MACF1: variants seen among roughly 807,000 people sequenced by gnomAD.
MACF1 encodes microtubule actin crosslinking factor 1, also known as microtubule-actin cross-linking factor 1.
Under a neutral mutation model 854.8 loss-of-function variants are expected in MACF1, and 193 were observed. The ratio of observed to expected loss-of-function variants is 0.23; its 90% CI spans 0.20 to 0.25. The LOEUF is 0.25. MACF1 is among the 10% of genes least tolerant of loss of function. The pLI, the probability that MACF1 is intolerant of heterozygous loss-of-function variation, is 1.00. For synonymous variants in MACF1, 3,185 were observed against 3,226.7 expected (o/e 0.99, Z 0.44); for missense variants, 7,722 against 8,929.1 (o/e 0.86, Z 5.45).
intron 99 of MACF1, among the ~76,000 whole-genome samples, chr1:39,482,117 TA>T (rs769165437): frequency 1.1e-4 from 16 of 152,332 alleles, no homozygotes; most frequent in Non-Finnish European, 1.6e-4. Flanking sequence ...TGTTCTGTCT[TA>T]AGGTTTTATT....
At position 39,434,623 on chromosome 1, in the gene MACF1, G is replaced by C. The variant is rs1395682959; in HGVS notation, c.17775G>C (p.Glu5925Asp). Residue 5925 changes from glutamate (E) to aspartate (D), a missense_variant, in exon 69 of 101, where the codon GAG becomes GAC. Around this residue, in one of 15 missense-constraint regions of MACF1, gnomAD observed 2,807 missense variants for 3,235.8 expected, o/e 0.87. Transcript: ENST00000564288. ...IDHEQLRQQQ[E>D]EMRQLRESIA... The stretch of plus-strand genomic sequence containing the variant: ...ATGAGCAGCTCAGGCAGCAACAAGA[G>C]GAAATGAGGGTAAGGAGCATGCCAA... The C allele has an allele frequency of 6.2e-7, 1 of 1,613,712 alleles. No individual in the cohort carries two copies. The highest frequency in any genetic ancestry group is 8.5e-7 in the Non-Finnish European group (1 of 1,179,850).
intron 2 of MACF1, among the ~76,000 whole-genome samples, chr1:39,097,121 C>T (rs1282364049): frequency 6.6e-6 from 1 of 151,978 alleles, no homozygotes; most frequent in Non-Finnish European, 1.5e-5. Context: ...AGGTGATCCA[C>T]CCGCCTCAGC....
At chr1:39,369,299 G>A (rs555142290) in intron 50 of MACF1, among the ~76,000 whole-genome samples, 297 of 152,280 alleles carry the variant, frequency 2.0e-3, no homozygotes, top group Admixed American at 2.9e-3. Flanking sequence ...TTAAGAGCAT[G>A]AACAAGACTT....
chr1:39,356,970 A>T (rs1057295058), intron 44 of MACF1, among the ~76,000 whole-genome samples: 1 of 152,212 alleles, frequency 6.6e-6, no homozygotes, highest in Non-Finnish European at 1.5e-5. Flanking sequence ...GTGTCAGTTC[A>T]GAGGGGATTA....
At chr1:39,357,960 G>A in intron 45 of MACF1, 67 bp downstream of exon 45, 1 of 1,484,406 alleles carries the variant, frequency 6.7e-7, no homozygotes, top group Non-Finnish European at 9.0e-7. Flanking sequence ...TGTAGGTAGT[G>A]TCTGGGGCTC....
chr1:39,231,098 A>G (rs1447863922), intron 1 of MACF1, 84 bp from the exon 2 acceptor site: 1 of 1,003,810 alleles, frequency 1.0e-6, no homozygotes, highest in Non-Finnish European at 1.6e-6. Context: ...TTCTAGAGAA[A>G]CAGAGATGTG....
At chr1:39,357,085 A>G (rs1164939075) in intron 44 of MACF1, among the ~76,000 whole-genome samples, 1 of 152,208 alleles carries the variant, frequency 6.6e-6, no homozygotes, top group Non-Finnish European at 1.5e-5. Flanking sequence ...CTTCTAGCTT[A>G]TAGGTAGATG....
rs1644538808 is a variant in MACF1 at position 39,460,882 on chromosome 1, C to T, written c.21523+88C>T. On this transcript the variant is annotated intron_variant, in intron 92 of 100. Coordinates refer to ENST00000564288, the MANE Select transcript of MACF1 (RefSeq NM_001394062.1). This position sits in a 1 kb window ranked among gnomAD's most constrained non-coding sequence, Gnocchi z 4.1. ...GTGATATTCTAGCTAAACAGTCTTTCTGAAGCTGGCCAGGAGCTTGGCTCA... is the reference window on the plus strand; with the variant it reads ...GTGATATTCTAGCTAAACAGTCTTTTTGAAGCTGGCCAGGAGCTTGGCTCA... 1 of 1,481,924 alleles carries T rather than the reference C, an allele frequency of 6.7e-7. No homozygotes were observed. The highest frequency in any genetic ancestry group is 1.4e-5 in the African/African-American group (1 of 72,046). The allele number at this position is 1,481,924 out of a possible 1,614,324, so 91.8% of individuals were successfully genotyped here. A position where few individuals can be genotyped will look rare whatever the true frequency, so the allele number is the denominator to read the frequency against.
chr1:39,356,799 G>C (rs953357704), intron 44 of MACF1, among the ~76,000 whole-genome samples: 6 of 152,160 alleles, frequency 3.9e-5, no homozygotes, highest in African/African-American at 1.4e-4. Flanking sequence ...AGTTCTGTTC[G>C]TTAACAAACT....
At chr1:39,442,390 C>T (rs1411280594) in intron 76 of MACF1, 22 bp from the exon 77 acceptor site, 2 of 1,611,020 alleles carry the variant, frequency 1.2e-6, no homozygotes, top group Non-Finnish European at 1.7e-6. Context: ...TGAATATTCC[C>T]TTTCTGTCTT....
At position 39,349,535 on chromosome 1, in the gene MACF1, G is replaced by A; in HGVS notation, c.10873G>A (p.Val3625Ile). 6.2e-7 allele frequency: 1 copy of A among 1,614,194 alleles called. No individual in the cohort carries two copies. The highest frequency in any genetic ancestry group is 8.5e-7 in the Non-Finnish European group (1 of 1,180,006). ...GCAACTGGAGGATCTTTGCAGTTGGGTAGGACAGGCAGAAAGAGCACTGGC... is the reference window on the plus strand; with the variant it reads ...GCAACTGGAGGATCTTTGCAGTTGGATAGGACAGGCAGAAAGAGCACTGGC... ...HQQLEDLCSW[V>I]GQAERALAGH... The change falls in exon 42 of 101, where the codon GTA (valine) becomes ATA (isoleucine). Residue 3625 changes from valine (V) to isoleucine (I), a missense_variant. This residue lies in a region of MACF1 where 2,807 missense variants were observed against 3,235.8 expected (regional missense o/e 0.87). Coordinates refer to ENST00000564288, the MANE Select transcript of MACF1 (RefSeq NM_001394062.1).
chr1:39,423,316 A>G (rs1013193839), intron 60 of MACF1, among the ~76,000 whole-genome samples: 1 of 152,110 alleles, frequency 6.6e-6, no homozygotes, highest in Non-Finnish European at 1.5e-5. Context: ...TCTCAGCTTT[A>G]TTGGTATATA....
In MACF1 at chr1:39,346,992, A is replaced by G. The variant is rs1463538439; in HGVS notation, c.10597A>G (p.Met3533Val). 6 of 1,611,112 alleles carry G rather than the reference A, an allele frequency of 3.7e-6. No homozygotes were observed. Among genetic ancestry groups the G allele is most frequent in the Non-Finnish European group, 5.1e-6 (6 of 1,178,736 alleles). The change falls in exon 41 of 101, where the codon ATG (methionine) becomes GTG (valine). Residue 3533 changes from methionine to valine, a missense_variant. Met to Val is a conservative substitution (Grantham distance 21). This residue lies in a region of MACF1 where 854 missense variants were observed against 852.6 expected (regional missense o/e 1.00). Coordinates refer to ENST00000564288, the MANE Select transcript of MACF1 (RefSeq NM_001394062.1). ...TTTACCTTAGGATTTGAAACAGCCC[A>G]TGGCTGAAAGGAAAGCTCAGCTGGA... ...LQQYEDLKQP[M>V]AERKAQLDAL...
chr1:39,331,677 A>G lies in MACF1; in HGVS notation c.5089A>G (p.Lys1697Glu). The change falls in exon 37 of 101, where the codon AAG becomes GAG. Residue 1697 changes from lysine (K) to glutamate (E), a missense_variant. Physicochemically the swap from Lys to Glu is moderately conservative, Grantham distance 56 (BLOSUM62 1). Transcript: ENST00000564288. Reference protein sequence around the residue: ...SVLESYLRTSKNLIDPNTAEK... With the variant: ...SVLESYLRTSENLIDPNTAEK... The stretch of plus-strand genomic sequence containing the variant: ...ATTAGAGTCTTATCTTAGAACATCC[A>G]AGAATTTGATAGACCCTAACACAGC... 6.2e-7 allele frequency: 1 copy of G among 1,614,170 alleles called. No individual in the cohort carries two copies. The highest frequency in any genetic ancestry group is 8.5e-7 in the Non-Finnish European group (1 of 1,180,036).
At chr1:39,186,174 CTCTCT>C in intron 2 of MACF1, among the ~76,000 whole-genome samples, 1 of 7,680 alleles carries the variant, frequency 1.3e-4, no homozygotes, top group African/African-American at 2.2e-4. Flanking sequence ...CTGAACATCT[CTCTCT>C]CTCTCTCTCT....
intron 2 of MACF1, among the ~76,000 whole-genome samples, chr1:39,165,336 C>T (rs1190790310): frequency 6.6e-6 from 1 of 152,146 alleles, no homozygotes; most frequent in East Asian, 1.9e-4. Flanking sequence ...GCACTAGGCA[C>T]CTAGTAGACC....
At chr1:39,102,193 A>AAG (rs61576279) in intron 2 of MACF1, among the ~76,000 whole-genome samples, 99 of 148,112 alleles carry the variant, frequency 6.7e-4, no homozygotes, top group African/African-American at 1.4e-3. Context: ...AAGAAAAAGA[A>AAG]AGAGAGAGAG....
intron 2 of MACF1, among the ~76,000 whole-genome samples, chr1:39,239,268 G>A (rs1644894217): frequency 6.7e-6 from 1 of 148,442 alleles, no homozygotes; most frequent in East Asian, 2.0e-4. Context: ...GTGACAGAGC[G>A]AGACTCTGTC....
At chr1:39,109,755 C>T (rs1021613626) in intron 2 of MACF1, among the ~76,000 whole-genome samples, 1 of 152,102 alleles carries the variant, frequency 6.6e-6, no homozygotes, top group South Asian at 2.1e-4. Context: ...GTCTAAGAGC[C>T]AGGCTCCAGA....
Sources: allele counts gnomAD v4.1 joint callset (sites outside exome capture counted in the v4.1 genomes callset), GRCh38; gene constraint gnomAD v4.1.1; regional missense constraint gnomAD v4.1.1; non-coding constraint Gnocchi (gnomAD v3.1); transcripts MANE v1.5; gene names NCBI Gene and HGNC (gene_info 2026-07-23, HGNC 2026-07-21).